BBS12: variants seen among roughly 807,000 people sequenced by gnomAD.
BBS12 encodes the protein chaperonin-containing T-complex member BBS12.
BBS12 carries 5 observed loss-of-function variants against 5.6 expected under a neutral mutation model. The ratio of observed to expected loss-of-function variants is 0.89; its 90% CI spans 0.46 to 1.86. The LOEUF (loss-of-function observed/expected upper bound fraction) is 1.86, where lower values mean the gene tolerates loss of function less well. Ranked by LOEUF, BBS12 falls within the 40% of genes most tolerant of loss-of-function variation. The pLI is 0.01. For missense variants in BBS12, 748 were observed against 830.4 expected, an observed-to-expected ratio of 0.90 and a Z score of 1.22; for synonymous variants, 308 against 306.8, an observed-to-expected ratio of 1.00 and a Z score of -0.04.
chr4:122,717,678 C>A, the BBS12 span, among the ~76,000 whole-genome samples: 2 of 152,050 alleles, frequency 1.3e-5, no homozygotes, highest in African/African-American at 4.8e-5. Flanking sequence ...CACAGCTGTG[C>A]ACCACCGTGC....
At chr4:122,718,598 GA>G in the BBS12 span, among the ~76,000 whole-genome samples, 1 of 152,044 alleles carries the variant, frequency 6.6e-6, no homozygotes, top group East Asian at 1.9e-4. Context: ...TAAAATAGGG[GA>G]ATAGATCCAA....
chr4:122,744,134 G>A lies in BBS12; in HGVS notation c.*109G>A. On this transcript the variant is annotated 3_prime_UTR_variant, in exon 2 of 2. Transcript: ENST00000314218. ...CTAAAATGCCAGCTATTGCCAAGAA[G>A]AAAATAGTTGATGTCTGTCAATAAC... The A allele has an allele frequency of 9.0e-7, 1 of 1,113,272 alleles. No homozygotes were observed. The highest frequency in any genetic ancestry group is 1.3e-6 in the Non-Finnish European group (1 of 746,774). The allele number at this position is 1,113,272 out of a possible 1,614,324, so 69.0% of individuals were successfully genotyped here. A position where few individuals can be genotyped will look rare whatever the true frequency, so the allele number is the denominator to read the frequency against.
rs1267180676 is a variant in BBS12, at chr4:122,732,900, C to G, written c.-11+16C>G. 6.6e-6 allele frequency: 1 copy of G among 152,330 alleles called. No homozygotes were observed. The highest frequency in any genetic ancestry group is 2.4e-5 in the African/African-American group (1 of 41,474). The allele number at this position is 152,330 out of a possible 1,614,324, so 9.4% of individuals were successfully genotyped here. A position where few individuals can be genotyped will look rare whatever the true frequency, so the allele number is the denominator to read the frequency against. ...AAGGAGCGAGGTTAGTAGTGAGGTG[C>G]TTCCGCTGACTGCTAAGCTAAGTCT... On this transcript the variant is annotated intron_variant, in intron 1 of 1. Transcript: ENST00000314218.
chr4:122,707,470 C>G, the BBS12 span, among the ~76,000 whole-genome samples: 1 of 152,072 alleles, frequency 6.6e-6, no homozygotes, highest in Non-Finnish European at 1.5e-5. Context: ...ACATATAGTT[C>G]AAATACTTTT....
At chr4:122,703,928 A>C in the BBS12 span, among the ~76,000 whole-genome samples, 1 of 152,132 alleles carries the variant, frequency 6.6e-6, no homozygotes, top group Non-Finnish European at 1.5e-5. Context: ...AGCTCATTGC[A>C]ACCTCAAACT....
At chr4:122,719,194 C>T in the BBS12 span, among the ~76,000 whole-genome samples, 1 of 152,054 alleles carries the variant, frequency 6.6e-6, no homozygotes, top group Non-Finnish European at 1.5e-5. Context: ...ACTTGGAGAA[C>T]TTTTCTGTCT....
chr4:122,729,537 T>C (rs1800671633), upstream of BBS12: 1 of 152,264 alleles, frequency 6.6e-6, no homozygotes, highest in East Asian at 1.9e-4. Flanking sequence ...ATGTTTTATT[T>C]CTTATCAATG....
chr4:122,721,032 AAATGG>A, the BBS12 span, among the ~76,000 whole-genome samples: 2 of 152,144 alleles, frequency 1.3e-5, no homozygotes, highest in Admixed American at 1.3e-4. Context: ...GAATATACTG[AAATGG>A]AATTAAAATG....
the BBS12 span, among the ~76,000 whole-genome samples, chr4:122,717,288 G>GA: frequency 1.3e-5 from 2 of 152,104 alleles, no homozygotes; most frequent in African/African-American, 4.8e-5. Flanking sequence ...TATCACTATA[G>GA]AAAATCAGTC....
At chr4:122,721,405 G>T in the BBS12 span, among the ~76,000 whole-genome samples, 1 of 152,208 alleles carries the variant, frequency 6.6e-6, no homozygotes, top group Admixed American at 6.5e-5. Context: ...TTAGGGAATT[G>T]TTACAAGTAG....
At chr4:122,734,562 G>A (rs535097776) in intron 1 of BBS12, among the ~76,000 whole-genome samples, 23 of 152,172 alleles carry the variant, frequency 1.5e-4, no homozygotes, top group South Asian at 1.0e-3. Flanking sequence ...AACTGCGCCC[G>A]GCCATATACT....
chr4:122,731,189 T>C (rs1800691663), upstream of BBS12: 1 of 152,224 alleles, frequency 6.6e-6, no homozygotes, highest in Admixed American at 6.5e-5. Flanking sequence ...TTAAACCTCA[T>C]AATTCAGATC....
chr4:122,733,400 CACACACACACACACACACACACACAT>C (rs1198601459), intron 1 of BBS12, among the ~76,000 whole-genome samples: 1 of 148,638 alleles, frequency 6.7e-6, no homozygotes, highest in Non-Finnish European at 1.5e-5. Flanking sequence ...CACACACACA[CACACACACACACACACACACACACAT>C]CCAGCCATTT....
At chr4:122,737,423 A>G (rs767276669) in intron 1 of BBS12, among the ~76,000 whole-genome samples, 29 of 152,244 alleles carry the variant, frequency 1.9e-4, no homozygotes, top group Non-Finnish European at 3.4e-4. Flanking sequence ...GAAATTTTGT[A>G]TATGTTATGT....
the BBS12 span, among the ~76,000 whole-genome samples, chr4:122,712,066 G>C: frequency 0.71 from 108,659 of 152,154 alleles, 41,098 homozygotes; most frequent in East Asian, 0.95. Flanking sequence ...TCAGGACTTT[G>C]ACCAGCAGTC....
Position 122,739,426 on chromosome 4 carries a change from A to C in BBS12, c.-10-2457A>C, listed in dbSNP as rs1391387007. 3.3e-5 allele frequency among the ~76,000 whole-genome samples: 5 copies of C among 152,354 alleles called. No homozygotes were observed. In the East Asian group the frequency reaches 5.8e-4, roughly 18 times the overall value. ...CTGGATGTCCCACAGCACTATAGGA[A>C]ATGTGAGTCAGGCCTTTTGCATTAA... On this transcript the variant is annotated intron_variant, in intron 1 of 1. Transcript: ENST00000314218.
upstream of BBS12, chr4:122,728,637 TC>T (rs559745107): frequency 2.6e-5 from 4 of 152,346 alleles, no homozygotes; most frequent in South Asian, 8.3e-4. Context: ...GGCAAGTTTT[TC>T]CCTGGTCTAG....
the BBS12 span, among the ~76,000 whole-genome samples, chr4:122,708,349 T>C: frequency 6.6e-6 from 1 of 152,102 alleles, no homozygotes; most frequent in East Asian, 1.9e-4. Context: ...AGCTCTCCTA[T>C]GAGAGAGCTA....
chr4:122,717,604 A>C, the BBS12 span, among the ~76,000 whole-genome samples: 1 of 152,150 alleles, frequency 6.6e-6, no homozygotes, highest in Non-Finnish European at 1.5e-5. Context: ...ATCACGGCTC[A>C]CTGTAACCTC....
Sources: gnomAD v4.1 joint callset for allele counts (sites outside exome capture counted in the v4.1 genomes callset) on GRCh38, gnomAD v4.1.1 for gene constraint, MANE v1.5 for transcripts, NCBI Gene and HGNC (gene_info 2026-07-23, HGNC 2026-07-21) for gene names.